Variants in ME3 observed in about 807,000 individuals in gnomAD.
The protein encoded by ME3 is NADP-dependent malic enzyme, mitochondrial.
Under a neutral mutation model 68.9 loss-of-function variants are expected in ME3, and 48 were observed. The observed-to-expected ratio is 0.70, with a 90% confidence interval of 0.55 to 0.89. The LOEUF (loss-of-function observed/expected upper bound fraction) is 0.89, where lower values mean the gene tolerates loss of function less well. ME3 is among the 40% of genes least tolerant of loss of function. ME3 has a pLI of 0.00. For synonymous variants in ME3, 320 were observed against 318.8 expected, an observed-to-expected ratio of 1.00 and a Z score of -0.04; for missense variants, 675 against 797.4, an observed-to-expected ratio of 0.85 and a Z score of 1.85.
At chr11:86,535,595 T>C (rs1328242287) in intron 4 of ME3, among the ~76,000 whole-genome samples, 2 of 152,236 alleles carry the variant, frequency 1.3e-5, no homozygotes, top group Non-Finnish European at 2.9e-5. Flanking sequence ...AAAGTACTTT[T>C]ATCTCGCCAT....
At chr11:86,544,901 A>T (rs908390487) in intron 4 of ME3, among the ~76,000 whole-genome samples, 3 of 152,192 alleles carry the variant, frequency 2.0e-5, no homozygotes, top group Non-Finnish European at 2.9e-5. Context: ...TCAATGCAAA[A>T]ATCCTCATCC....
intron 2 of ME3, among the ~76,000 whole-genome samples, chr11:86,613,492 T>C (rs541999805): frequency 2.0e-5 from 3 of 152,184 alleles, no homozygotes; most frequent in African/African-American, 7.2e-5. Flanking sequence ...GAGAAAGAAA[T>C]AAAGCATATT....
intron 2 of ME3, among the ~76,000 whole-genome samples, chr11:86,626,636 T>C (rs1255921856): frequency 6.6e-6 from 1 of 152,220 alleles, no homozygotes; most frequent in African/African-American, 2.4e-5. Context: ...GTCAAACATT[T>C]TCTGTAAAGG....
At chr11:86,527,333 C>T (rs61904413) in intron 4 of ME3, among the ~76,000 whole-genome samples, 60,536 of 151,868 alleles carry the variant, frequency 0.4, 12,254 homozygotes, top group South Asian at 0.51. Context: ...TAAAAAGAAA[C>T]GAACAAAGCC....
intron 2 of ME3, among the ~76,000 whole-genome samples, chr11:86,599,659 C>T (rs1402433819): frequency 3.9e-5 from 6 of 152,066 alleles, no homozygotes; most frequent in Admixed American, 3.3e-4. Flanking sequence ...TCAGATTCAC[C>T]AAAGTTGAAA....
At chr11:86,497,140 C>T (rs1952390209) in intron 6 of ME3, among the ~76,000 whole-genome samples, 2 of 152,050 alleles carry the variant, frequency 1.3e-5, no homozygotes, top group East Asian at 1.9e-4. Context: ...TGTGCTACCA[C>T]ACCTAGCTCA....
chr11:86,580,976 GC>G (rs1958410793), intron 2 of ME3, among the ~76,000 whole-genome samples: 1 of 152,148 alleles, frequency 6.6e-6, no homozygotes. Context: ...AAAGGGGGAA[GC>G]ATACAACAAC....
At chr11:86,531,539 C>T (rs1350251100) in intron 4 of ME3, among the ~76,000 whole-genome samples, 1 of 152,186 alleles carries the variant, frequency 6.6e-6, no homozygotes, top group Admixed American at 6.5e-5. Flanking sequence ...GCTATAAAGA[C>T]ACATGCACAC....
intron 6 of ME3, among the ~76,000 whole-genome samples, chr11:86,488,577 A>T (rs1393083419): frequency 1.3e-5 from 2 of 152,152 alleles, no homozygotes; most frequent in African/African-American, 4.8e-5. Context: ...AGCTCCTTCC[A>T]TCACAGCAGT....
At chr11:86,537,962 G>T (rs1450770554) in intron 4 of ME3, among the ~76,000 whole-genome samples, 1 of 152,182 alleles carries the variant, frequency 6.6e-6, no homozygotes, top group Non-Finnish European at 1.5e-5. Flanking sequence ...CCTGCCCAAG[G>T]TGCAAGCCCT....
intron 2 of ME3, among the ~76,000 whole-genome samples, chr11:86,645,039 C>A (rs942059060): frequency 6.6e-6 from 1 of 152,236 alleles, no homozygotes; most frequent in Non-Finnish European, 1.5e-5. Flanking sequence ...CCAGATACTA[C>A]GCTTTTCCCA....
chr11:86,588,578 C>CA (rs1255177844), intron 2 of ME3, among the ~76,000 whole-genome samples: 6 of 152,262 alleles, frequency 3.9e-5, no homozygotes, highest in African/African-American at 1.4e-4. Flanking sequence ...GAAAGGGCAA[C>CA]ACAGCAAGCT....
At chr11:86,664,954 G>A (rs540167246) in intron 2 of ME3, among the ~76,000 whole-genome samples, 130 of 152,322 alleles carry the variant, frequency 8.5e-4, no homozygotes, top group African/African-American at 3.1e-3. Flanking sequence ...AAGGGCTGAT[G>A]TAAGATGTAT....
At chr11:86,649,163 A>C (rs1472198251) in intron 2 of ME3, among the ~76,000 whole-genome samples, 1 of 152,220 alleles carries the variant, frequency 6.6e-6, no homozygotes, top group Non-Finnish European at 1.5e-5. Flanking sequence ...GGTTCAACAT[A>C]CACAAATCAA....
intron 2 of ME3, among the ~76,000 whole-genome samples, chr11:86,655,443 A>G (rs550141031): frequency 2.0e-5 from 3 of 152,010 alleles, no homozygotes; most frequent in Admixed American, 6.6e-5. Context: ...AAATAACGCC[A>G]CGTATCTACA....
intron 4 of ME3, among the ~76,000 whole-genome samples, chr11:86,510,536 A>C (rs1162579327): frequency 1.3e-5 from 2 of 152,168 alleles, no homozygotes; most frequent in Non-Finnish European, 2.9e-5. Flanking sequence ...TGACTCTCAA[A>C]TATCTATAGA....
At chr11:86,666,215 G>T (rs1191263157) in intron 2 of ME3, among the ~76,000 whole-genome samples, 5 of 152,222 alleles carry the variant, frequency 3.3e-5, no homozygotes, top group Non-Finnish European at 7.3e-5. Context: ...CCAACTGAAT[G>T]TAAGTAGAAG....
chr11:86,482,816 C>T (rs1466164946), intron 7 of ME3, among the ~76,000 whole-genome samples: 3 of 151,954 alleles, frequency 2.0e-5, no homozygotes, highest in Non-Finnish European at 4.4e-5. Context: ...TTCCAGTGTC[C>T]CAGCTGAGCC....
intron 2 of ME3, among the ~76,000 whole-genome samples, chr11:86,561,214 T>G (rs535068118): frequency 6.6e-6 from 1 of 152,188 alleles, no homozygotes; most frequent in South Asian, 2.1e-4. Flanking sequence ...GGTTGTTTTT[T>G]TGTTTTTGTT....
Sources: allele counts gnomAD v4.1 joint callset (sites outside exome capture counted in the v4.1 genomes callset), GRCh38; gene constraint gnomAD v4.1.1; transcripts MANE v1.5; gene names NCBI Gene and HGNC (gene_info 2026-07-23, HGNC 2026-07-21).